WDTC1: variants seen among roughly 807,000 people sequenced by gnomAD.
The protein encoded by WDTC1 is WD and tetratricopeptide repeats 1.
WDTC1 carries 12 observed loss-of-function variants against 76.0 expected under a neutral mutation model. The observed-to-expected ratio is 0.16, with a 90% CI of 0.10 to 0.26. The LOEUF is 0.26. Ranked by LOEUF, WDTC1 falls within the 10% of genes least tolerant of loss-of-function variation. The pLI, the probability that WDTC1 is intolerant of heterozygous loss-of-function variation, is 1.00. For missense variants in WDTC1, 511 were observed against 908.8 expected, an observed-to-expected ratio of 0.56 and a Z score of 5.63; for synonymous variants, 326 against 350.8, an observed-to-expected ratio of 0.93 and a Z score of 0.79.
chr1:27,277,672 T>C (rs1474265204), intron 3 of WDTC1, among the ~76,000 whole-genome samples: 9 of 152,228 alleles, frequency 5.9e-5, no homozygotes, highest in Admixed American at 5.2e-4. Flanking sequence ...CTCTAGTCCA[T>C]TGATCTAAAT....
chr1:27,254,296 T>C (rs1033363779), intron 1 of WDTC1, among the ~76,000 whole-genome samples: 1 of 152,046 alleles, frequency 6.6e-6, no homozygotes, highest in Non-Finnish European at 1.5e-5. Flanking sequence ...AGCAGAAATA[T>C]TCACCAGAAT....
intron 3 of WDTC1, among the ~76,000 whole-genome samples, chr1:27,272,085 A>C (rs567727279): frequency 1.3e-5 from 2 of 151,328 alleles, no homozygotes; most frequent in South Asian, 4.2e-4. Flanking sequence ...GTCTCTACTA[A>C]AAATACAAAA....
rs368149608 is a variant in WDTC1, at chr1:27,294,053, G to A, written c.694G>A (p.Val232Met). 1.2e-6 allele frequency: 2 copies of A among 1,614,120 alleles called. No homozygotes were observed. The highest frequency in any genetic ancestry group is 1.7e-6 in the Non-Finnish European group (2 of 1,180,000). The change falls in exon 8 of 16, where the codon GTG becomes ATG. Residue 232 changes from valine to methionine, a missense_variant. Physicochemically the swap from Val to Met is conservative, Grantham distance 21. Transcript: ENST00000319394. ...KSMKQSPSAG[V>M]HTFCDRQKPL... ...CATGAAGCAGAGCCCTTCAGCGGGT[G>A]TGCACACCTTCTGTGACCGGCAGAA...
In WDTC1 at chr1:27,234,969, C is replaced by T. The variant is rs945323025; in HGVS notation, c.-100+18C>T. 1.0e-5 allele frequency: 4 copies of T among 387,542 alleles called. No individual in the cohort carries two copies. Among genetic ancestry groups the T allele is most frequent in the African/African-American group, 6.2e-5 (3 of 48,224 alleles). 24.0% of individuals were successfully genotyped at this position (387,542 alleles called of 1,614,324 possible). On this transcript the variant is annotated intron_variant, in intron 1 of 15. Transcript: ENST00000319394. ...CCTGACAGGTACGGGTCACCGCCGCCCCCTGCCCTCCGCGGGCGCCGAGGC... is the reference window on the plus strand; with the variant it reads ...CCTGACAGGTACGGGTCACCGCCGCTCCCTGCCCTCCGCGGGCGCCGAGGC...
chr1:27,286,574 A>G (rs2013345347), intron 5 of WDTC1, among the ~76,000 whole-genome samples: 1 of 143,298 alleles, frequency 7.0e-6, no homozygotes, highest in Non-Finnish European at 1.5e-5. Flanking sequence ...GGTTCACACC[A>G]TCCTCCTGCC....
At chr1:27,289,391 G>A (rs1277928881) in intron 6 of WDTC1, among the ~76,000 whole-genome samples, 9 of 151,236 alleles carry the variant, frequency 6.0e-5, no homozygotes, top group Admixed American at 1.3e-4. Context: ...ACGGGGTCGC[G>A]GCCGGGCAGA....
chr1:27,239,040 A>AGACAGGTG (rs1305838762), intron 1 of WDTC1, among the ~76,000 whole-genome samples: 1 of 146,988 alleles, frequency 6.8e-6, no homozygotes, highest in African/African-American at 2.5e-5. Context: ...GTAGATGGGA[A>AGACAGGTG]GACAGGTGTG....
At position 27,234,667 on chromosome 1, in the gene WDTC1, T is replaced by C. The variant is rs1347938252; in HGVS notation, c.-384T>C. 2.5e-6 allele frequency: 1 copy of C among 395,600 alleles called. No homozygotes were observed. The highest frequency in any genetic ancestry group is 4.5e-6 in the Non-Finnish European group (1 of 224,428). The allele number at this position is 395,600 out of a possible 1,614,324, so 24.5% of individuals were successfully genotyped here. ...TGGGTCCCCAGACAGCTGGAGGAGATAAACAGAGGAGGAGGAGGGAGGGGA... is the reference window on the plus strand; with the variant it reads ...TGGGTCCCCAGACAGCTGGAGGAGACAAACAGAGGAGGAGGAGGGAGGGGA... On this transcript the variant is annotated 5_prime_UTR_variant, in exon 1 of 16. Coordinates refer to ENST00000319394, the MANE Select transcript of WDTC1 (RefSeq NM_001276252.2).
intron 12 of WDTC1, among the ~76,000 whole-genome samples, chr1:27,299,501 G>A: frequency 6.6e-6 from 1 of 152,000 alleles, no homozygotes; most frequent in East Asian, 1.9e-4. Flanking sequence ...GGCCTGTGGG[G>A]GAAGGACATT....
chr1:27,288,154 T>C (rs1276332071), intron 6 of WDTC1, among the ~76,000 whole-genome samples: 1 of 152,080 alleles, frequency 6.6e-6, no homozygotes, highest in South Asian at 2.1e-4. Flanking sequence ...TTCCTCTACT[T>C]GAGATTCTCT....
chr1:27,289,578 G>A (rs1198629919), intron 6 of WDTC1, among the ~76,000 whole-genome samples: 1 of 152,190 alleles, frequency 6.6e-6, no homozygotes, highest in Non-Finnish European at 1.5e-5. Context: ...CTTCCCAGAC[G>A]GGATGGCGGC....
Position 27,306,246 on chromosome 1 carries a change from C to A in WDTC1, c.1897C>A (p.Arg633=), listed in dbSNP as rs777436909. Residue 633 remains arginine, a synonymous_variant, in exon 16 of 16, where the codon CGG becomes AGG. Coordinates refer to ENST00000319394, the MANE Select transcript of WDTC1 (RefSeq NM_001276252.2). This position sits in a 1 kb window ranked among gnomAD's most constrained non-coding sequence, Gnocchi z 5.0. ...GGAGGGTGCTTCACAGGCCAACCAG[C>A]GGCGCATGAATGCAGACCCGTTGGA... ...DMEGASQANQ[R]RMNADPLEVM... 1 of 1,614,104 alleles carries A rather than the reference C, an allele frequency of 6.2e-7. No individual in the cohort carries two copies. Among genetic ancestry groups the A allele is most frequent in the Non-Finnish European group, 8.5e-7 (1 of 1,180,020 alleles).
intron 1 of WDTC1, among the ~76,000 whole-genome samples, chr1:27,243,307 A>T (rs750804374): frequency 3.0e-4 from 43 of 143,892 alleles, no homozygotes; most frequent in Admixed American, 6.7e-4. Flanking sequence ...CTGCCTCCTG[A>T]GTTCAAGTGA....
intron 11 of WDTC1, 71 bp downstream of exon 11, chr1:27,297,227 C>A: frequency 7.3e-7 from 1 of 1,371,340 alleles, no homozygotes; most frequent in Non-Finnish European, 1.0e-6. Flanking sequence ...AGGGACATAA[C>A]CTGTAAATCT....
rs994156663 is a variant in WDTC1, at chr1:27,306,649, T to A, written c.*266T>A. 1.9e-6 allele frequency: 1 copy of A among 527,424 alleles called. No homozygotes were observed. Among genetic ancestry groups the A allele is most frequent in the African/African-American group, 1.9e-5 (1 of 52,350 alleles). 32.7% of individuals were successfully genotyped at this position (527,424 alleles called of 1,614,324 possible). ...CCATATGCCCCCCCCCATCTCCTGC[T>A]TTCATGTCCCTGGAGGGCTCTGGCC... On this transcript the variant is annotated 3_prime_UTR_variant, in exon 16 of 16. Coordinates refer to ENST00000319394, the MANE Select transcript of WDTC1 (RefSeq NM_001276252.2). This position sits in a 1 kb window ranked among gnomAD's most constrained non-coding sequence, Gnocchi z 5.0.
chr1:27,265,723 A>G (rs1259936705), intron 3 of WDTC1, among the ~76,000 whole-genome samples: 1 of 152,048 alleles, frequency 6.6e-6, no homozygotes, highest in Non-Finnish European at 1.5e-5. Flanking sequence ...AGGCAGGGGG[A>G]TCACCTGAGG....
chr1:27,240,406 A>T (rs1055596214), intron 1 of WDTC1, among the ~76,000 whole-genome samples: 1 of 152,208 alleles, frequency 6.6e-6, no homozygotes, highest in Non-Finnish European at 1.5e-5. Context: ...TCTCAGAGCT[A>T]TAGTTTCACC....
At chr1:27,285,028 CTTT>C (rs758125297) in intron 5 of WDTC1, among the ~76,000 whole-genome samples, 4 of 117,040 alleles carry the variant, frequency 3.4e-5, no homozygotes, top group Middle Eastern at 4.6e-3. Flanking sequence ...AGACCTTGGT[CTTT>C]TTTTTTTTTT....
At chr1:27,287,210 C>G (rs1306309067) in intron 5 of WDTC1, among the ~76,000 whole-genome samples, 2 of 151,768 alleles carry the variant, frequency 1.3e-5, no homozygotes, top group Admixed American at 1.3e-4. Flanking sequence ...CCCTTAAACA[C>G]TCAAAGTCTT....
Sources: allele counts gnomAD v4.1 joint callset (sites outside exome capture counted in the v4.1 genomes callset), GRCh38; gene constraint gnomAD v4.1.1; non-coding constraint Gnocchi (gnomAD v3.1); transcripts MANE v1.5; gene names NCBI Gene and HGNC (gene_info 2026-07-23, HGNC 2026-07-21).